Variants in RIMS1 observed in about 807,000 individuals in gnomAD.
The protein encoded by RIMS1 is regulating synaptic membrane exocytosis 1, also known as regulating synaptic membrane exocytosis protein 1.
Under a neutral mutation model 214.1 loss-of-function variants are expected in RIMS1, and 83 were observed. The observed-to-expected ratio is 0.39, with a 90% confidence interval of 0.32 to 0.47. The LOEUF is 0.47. Among genes scored for constraint, RIMS1 ranks in the 20% least tolerant of loss-of-function variants. The pLI is 0.99. For missense variants in RIMS1, 2,050 were observed against 2,161.8 expected (o/e 0.95, Z 1.03); for synonymous variants, 793 against 786.8 (o/e 1.01, Z -0.13).
At chr6:71,940,138 A>G (rs1785606079) in intron 1 of RIMS1, among the ~76,000 whole-genome samples, 1 of 152,182 alleles carries the variant, frequency 6.6e-6, no homozygotes, top group Non-Finnish European at 1.5e-5. Flanking sequence ...TAGGAATTAC[A>G]GTGGTGTTTG....
At chr6:72,184,420 G>T (rs889616869) in intron 6 of RIMS1, among the ~76,000 whole-genome samples, 1 of 152,172 alleles carries the variant, frequency 6.6e-6, no homozygotes. Flanking sequence ...AGCAAAACCC[G>T]TGCACTTTTT....
chr6:72,236,599 A>G (rs1475449303), intron 8 of RIMS1, among the ~76,000 whole-genome samples: 12 of 152,144 alleles, frequency 7.9e-5, no homozygotes, highest in African/African-American at 2.9e-4. Context: ...GCTGTTTGAT[A>G]CTAAGTAGGG....
chr6:72,009,597 AAGAG>A (rs1244391749), intron 2 of RIMS1, among the ~76,000 whole-genome samples: 1 of 152,208 alleles, frequency 6.6e-6, no homozygotes, highest in African/African-American at 2.4e-5. Context: ...TAAAGAAAAA[AAGAG>A]AGAAGAATCA....
Position 72,128,132 on chromosome 6 carries a change from C to T in RIMS1, c.471+28146C>T, listed in dbSNP as rs1587705408. Among the ~76,000 whole-genome samples the T allele has an allele frequency of 3.3e-5, 5 of 152,244 alleles. No individual in the cohort carries two copies. In the Middle Eastern group the frequency reaches 0.014, roughly 414 times the overall value. ...AGTTAGACTACTCTTCCTCACAAACCTAGAGAGGGGCGCTATCTTCCTGGA... is the reference window on the plus strand; with the variant it reads ...AGTTAGACTACTCTTCCTCACAAACTTAGAGAGGGGCGCTATCTTCCTGGA... On this transcript the variant is annotated intron_variant, in intron 4 of 33. Transcript: ENST00000521978.
At chr6:72,050,880 A>G (rs2152137461) in intron 2 of RIMS1, among the ~76,000 whole-genome samples, 1 of 152,218 alleles carries the variant, frequency 6.6e-6, no homozygotes, top group South Asian at 2.1e-4. Flanking sequence ...TTCCTTGCCA[A>G]ATGGTGGGAA....
At chr6:72,314,295 G>A (rs1045419131) in intron 28 of RIMS1, among the ~76,000 whole-genome samples, 7 of 152,264 alleles carry the variant, frequency 4.6e-5, no homozygotes, top group Non-Finnish European at 8.8e-5. Flanking sequence ...TTCTTTACTA[G>A]TTTTCAGAAG....
chr6:71,959,867 A>T (rs1792405758), intron 1 of RIMS1, among the ~76,000 whole-genome samples: 1 of 152,148 alleles, frequency 6.6e-6, no homozygotes, highest in Non-Finnish European at 1.5e-5. Context: ...TTTCACAAAT[A>T]AATTTTGTAA....
At chr6:72,107,538 G>A (rs964158776) in intron 4 of RIMS1, among the ~76,000 whole-genome samples, 7 of 152,070 alleles carry the variant, frequency 4.6e-5, no homozygotes, top group African/African-American at 1.7e-4. Context: ...TCCAGCCTGG[G>A]CAACAGAGTA....
chr6:71,927,207 C>G (rs1183955435), intron 1 of RIMS1, among the ~76,000 whole-genome samples: 1 of 152,154 alleles, frequency 6.6e-6, no homozygotes, highest in South Asian at 2.1e-4. Flanking sequence ...CTGTGTACCA[C>G]TCTACTCTCT....
intron 4 of RIMS1, among the ~76,000 whole-genome samples, chr6:72,122,170 A>T (rs958963591): frequency 3.3e-5 from 5 of 150,554 alleles, no homozygotes; most frequent in African/African-American, 1.2e-4. Flanking sequence ...CTGGCCTCAT[A>T]AAATGAGTTA....
chr6:72,093,228 A>ATATATATAT lies in RIMS1; in HGVS notation c.246-3721_246-3720insTATATATAT, dbSNP rs200655727. Among the ~76,000 whole-genome samples, 708 of 137,026 alleles carry ATATATATAT rather than the reference A, an allele frequency of 5.2e-3. 12 individuals are homozygous for ATATATATAT. The highest frequency in any genetic ancestry group is 0.016 in the African/African-American group (638 of 39,690). 89.9% of individuals were successfully genotyped at this position (137,026 alleles called of 152,430 possible). A position where few individuals can be genotyped will look rare whatever the true frequency, so the allele number is the denominator to read the frequency against. On this transcript the variant is annotated intron_variant, in intron 2 of 33. Transcript: ENST00000521978. ...TATGTGAGTATATATATATATATATAAAAACATGTGTGTATATATGTATAT... is the reference window on the plus strand; with the variant it reads ...TATGTGAGTATATATATATATATATATATATATATAAAACATGTGTGTATATATGTATAT...
intron 26 of RIMS1, among the ~76,000 whole-genome samples, chr6:72,293,096 A>G (rs535913491): frequency 6.6e-6 from 1 of 152,178 alleles, no homozygotes; most frequent in East Asian, 1.9e-4. Context: ...ATAGATTGCC[A>G]TGCAGAATAC....
At chr6:72,256,495 C>A (rs1375667550) in intron 16 of RIMS1, among the ~76,000 whole-genome samples, 3 of 152,044 alleles carry the variant, frequency 2.0e-5, no homozygotes, top group Admixed American at 6.6e-5. Context: ...TGCCAAAATT[C>A]TCTAAAATTT....
At chr6:72,027,178 A>G (rs1288593396) in intron 2 of RIMS1, among the ~76,000 whole-genome samples, 1 of 152,166 alleles carries the variant, frequency 6.6e-6, no homozygotes, top group Non-Finnish European at 1.5e-5. Flanking sequence ...CCAAACTGGC[A>G]TTCTTCTGGT....
chr6:71,970,463 G>C (rs936708310), intron 2 of RIMS1, among the ~76,000 whole-genome samples: 2 of 152,034 alleles, frequency 1.3e-5, no homozygotes, highest in Non-Finnish European at 2.9e-5. Context: ...TCCACGTATC[G>C]AGGTTTCATT....
intron 1 of RIMS1, among the ~76,000 whole-genome samples, chr6:71,931,185 A>T (rs55700280): frequency 6.6e-6 from 1 of 151,898 alleles, no homozygotes; most frequent in Non-Finnish European, 1.5e-5. Context: ...TAAAGCGGTC[A>T]TGTAAGACCT....
At chr6:72,092,353 C>A (rs1004249839) in intron 2 of RIMS1, among the ~76,000 whole-genome samples, 1 of 132,040 alleles carries the variant, frequency 7.6e-6, no homozygotes, top group Non-Finnish European at 1.6e-5. Flanking sequence ...AGGAGCATTG[C>A]AGGAAATAAG....
At chr6:71,998,433 A>G (rs1192207036) in intron 2 of RIMS1, among the ~76,000 whole-genome samples, 1 of 151,998 alleles carries the variant, frequency 6.6e-6, no homozygotes, top group Non-Finnish European at 1.5e-5. Flanking sequence ...GTTGCTCATC[A>G]CTACTTTAGC....
rs572831732 is a variant in RIMS1 at position 72,289,630 on chromosome 6, AATC to A, written c.3555-1046_3555-1044del. On this transcript the variant is annotated intron_variant, in intron 24 of 33. Transcript: ENST00000521978. ...GAATGAATAAGATACTCAGAATCAA[AATC>A]ATTATAGCTATAAAAATCATTTTAC... 3.0e-4 allele frequency among the ~76,000 whole-genome samples: 46 copies of A among 152,270 alleles called. No homozygotes were observed. The South Asian group carries it at 9.3e-3, about 31-fold the overall frequency.
Sources: allele counts gnomAD v4.1 joint callset (sites outside exome capture counted in the v4.1 genomes callset), GRCh38; gene constraint gnomAD v4.1.1; transcripts MANE v1.5; gene names NCBI Gene and HGNC (gene_info 2026-07-23, HGNC 2026-07-21).